Variants in GIGYF2 observed in about 807,000 individuals in gnomAD.
GIGYF2 encodes GRB10-interacting GYF protein 2.
Under a neutral mutation model 208.1 loss-of-function variants are expected in GIGYF2, and 25 were observed. That is an observed-to-expected ratio of 0.12 (90% CI 0.09 to 0.17). The LOEUF (loss-of-function observed/expected upper bound fraction) is 0.17. GIGYF2 is among the 10% of genes least tolerant of loss of function. GIGYF2 has a pLI of 1.00. For missense variants in GIGYF2, 1,302 were observed against 1,579.4 expected, an observed-to-expected ratio of 0.82 and a Z score of 2.98; for synonymous variants, 534 against 543.8, an observed-to-expected ratio of 0.98 and a Z score of 0.25.
At chr2:232,850,450 C>T (rs757988197) in intron 28 of GIGYF2, 41 bp downstream of exon 28, 26 of 1,551,806 alleles carry the variant, frequency 1.7e-5, no homozygotes, top group Non-Finnish European at 2.0e-5. Context: ...TGGAGGAGTG[C>T]AGGTGATACC....
At chr2:232,724,544 A>G (rs939110511) in intron 2 of GIGYF2, 2 of 151,540 alleles carry the variant, frequency 1.3e-5, no homozygotes, top group African/African-American at 4.8e-5. Flanking sequence ...TTTGGCTTAA[A>G]TATCTGAAAC....
In GIGYF2 at chr2:232,797,930, G is replaced by A. The variant is rs149979910; in HGVS notation, c.1639+1709G>A. On this transcript the variant is annotated intron_variant, in intron 14 of 28. Coordinates refer to ENST00000373563, the MANE Select transcript of GIGYF2 (RefSeq NM_001103146.3). ...CAGGAGGCGGAGGTTGCTGTGAGCC[G>A]AGATTGTGCCACTGTACTTTAATCT... 2.7e-5 allele frequency among the ~76,000 whole-genome samples: 4 copies of A among 146,020 alleles called. No individual in the cohort carries two copies. The East Asian group carries it at 6.0e-4, about 22-fold the overall frequency.
chr2:232,755,121 G>A (rs1698483840), intron 5 of GIGYF2, among the ~76,000 whole-genome samples: 2 of 152,146 alleles, frequency 1.3e-5, no homozygotes, highest in Non-Finnish European at 2.9e-5. Flanking sequence ...GTGGAAACCA[G>A]TTTGGACTAA....
Position 232,845,829 on chromosome 2 carries a change from T to C in GIGYF2, c.3403T>C (p.Phe1135Leu). 1 of 1,613,702 alleles carries C rather than the reference T, an allele frequency of 6.2e-7. No individual in the cohort carries two copies. The highest frequency in any genetic ancestry group is 1.6e-4 in the Middle Eastern group (1 of 6,062). Reference protein sequence around the residue: ...FQGVNKAQDGFTQWCEQMLHA... With the variant: ...FQGVNKAQDGLTQWCEQMLHA... ...GGGAGTAAATAAAGCCCAAGATGGATTTACGCAGTGGTGTGAACAGATGCT... is the reference window on the plus strand; with the variant it reads ...GGGAGTAAATAAAGCCCAAGATGGACTTACGCAGTGGTGTGAACAGATGCT... Residue 1135 changes from phenylalanine (F) to leucine (L), a missense_variant, in exon 26 of 29, where the codon TTT (phenylalanine) becomes CTT (leucine). Transcript: ENST00000373563.
intron 3 of GIGYF2, among the ~76,000 whole-genome samples, chr2:232,745,470 A>C (rs2106309277): frequency 6.6e-6 from 1 of 152,298 alleles, no homozygotes; most frequent in East Asian, 1.9e-4. Context: ...CAGTTTGAAC[A>C]CTGTTAATAA....
intron 28 of GIGYF2, among the ~76,000 whole-genome samples, chr2:232,853,410 G>A (rs775206398): frequency 6.6e-5 from 10 of 152,150 alleles, no homozygotes; most frequent in Non-Finnish European, 1.3e-4. Context: ...CCCGAGTGCT[G>A]GGACTACAGG....
chr2:232,784,598 G>GCCGGGATGAT (rs140365931), intron 8 of GIGYF2, among the ~76,000 whole-genome samples: 1 of 151,294 alleles, frequency 6.6e-6, no homozygotes, highest in Non-Finnish European at 1.5e-5. Flanking sequence ...CATCGTGTTA[G>GCCGGGATGAT]CTTGATCTGA....
intron 27 of GIGYF2, among the ~76,000 whole-genome samples, chr2:232,848,824 G>C (rs1559169069): frequency 6.6e-6 from 1 of 152,108 alleles, no homozygotes; most frequent in Non-Finnish European, 1.5e-5. Context: ...CTGAGTATGT[G>C]TATTTCTAGA....
chr2:232,767,480 C>A (rs993264605), intron 8 of GIGYF2: 2 of 152,676 alleles, frequency 1.3e-5, no homozygotes, highest in African/African-American at 4.8e-5. Context: ...CGTCTCCTTG[C>A]AATGCAAAAT....
rs1248262075 is a variant in GIGYF2, at chr2:232,806,200, T to A, written c.1640-291T>A. On this transcript the variant is annotated intron_variant, in intron 14 of 28. Coordinates refer to ENST00000373563, the MANE Select transcript of GIGYF2 (RefSeq NM_001103146.3). The surrounding 1 kb of genome is among the most constrained non-coding windows in gnomAD (Gnocchi z 4.0). ...TAGTAAATAGTTAACTCTTCAATTGTATCATACTTTACTGACACATGAATT... is the reference window on the plus strand; with the variant it reads ...TAGTAAATAGTTAACTCTTCAATTGAATCATACTTTACTGACACATGAATT... Among the ~76,000 whole-genome samples, 2 of 152,256 alleles carry A rather than the reference T, an allele frequency of 1.3e-5. No homozygotes were observed. The highest frequency in any genetic ancestry group is 4.8e-5 in the African/African-American group (2 of 41,470).
intron 21 of GIGYF2, chr2:232,828,625 T>A (rs1029013832): frequency 2.6e-5 from 4 of 152,186 alleles, no homozygotes; most frequent in Non-Finnish European, 4.4e-5. Context: ...GCTAATTTTT[T>A]AAAAAGTTTT....
intron 8 of GIGYF2, among the ~76,000 whole-genome samples, chr2:232,762,474 A>G (rs1698784474): frequency 6.6e-6 from 1 of 151,562 alleles, no homozygotes; most frequent in South Asian, 2.1e-4. Flanking sequence ...GCTGATCTTG[A>G]ACTCCTGACC....
chr2:232,852,980 T>C (rs886237943), intron 28 of GIGYF2, among the ~76,000 whole-genome samples: 2 of 152,176 alleles, frequency 1.3e-5, no homozygotes, highest in Non-Finnish European at 2.9e-5. Context: ...AAGGAATCCA[T>C]ATACCTTGAA....
At position 232,833,017 on chromosome 2, in the gene GIGYF2, G is replaced by A. The variant is rs376165544; in HGVS notation, c.2690G>A (p.Arg897His). 13 of 1,567,744 alleles carry A rather than the reference G, an allele frequency of 8.3e-6. No homozygotes were observed. Among genetic ancestry groups the A allele is most frequent in the Admixed American group, 3.8e-5 (2 of 53,132 alleles). Residue 897 changes from arginine (R) to histidine (H), a missense_variant, in exon 22 of 29, where the codon CGC (arginine) becomes CAC (histidine). Physicochemically the swap from Arg to His is conservative, Grantham distance 29. Transcript: ENST00000373563. ...LEVQRQKELM[R>H]QRQQQQEALR... ...GTCCAGCGGCAGAAGGAGTTAATGCGCCAGAGGCAGCAGCAGCAAGAGGCT... is the reference window on the plus strand; with the variant it reads ...GTCCAGCGGCAGAAGGAGTTAATGCACCAGAGGCAGCAGCAGCAAGAGGCT...
Position 232,855,994 on chromosome 2 carries a change from G to A in GIGYF2, c.3833-799G>A, listed in dbSNP as rs191865899. On this transcript the variant is annotated intron_variant, in intron 28 of 28. Coordinates refer to ENST00000373563, the MANE Select transcript of GIGYF2 (RefSeq NM_001103146.3). The stretch of plus-strand genomic sequence containing the variant: ...CACCCAGGCTGGAGTGCAGTGGCGC[G>A]ATCTCGGCTCACTGCAAGCTCCTTC... 2.0e-3 allele frequency among the ~76,000 whole-genome samples: 303 copies of A among 151,900 alleles called. 6 individuals carry two copies. In the East Asian group the frequency reaches 0.049, roughly 24 times the overall value.
intron 21 of GIGYF2, among the ~76,000 whole-genome samples, chr2:232,820,392 G>T (rs1179786022): frequency 6.8e-6 from 1 of 146,360 alleles, no homozygotes; most frequent in Non-Finnish European, 1.5e-5. Flanking sequence ...TTGGCTCACT[G>T]CAAGCCCCGC....
intron 2 of GIGYF2, among the ~76,000 whole-genome samples, chr2:232,713,050 C>T (rs925983942): frequency 2.0e-5 from 3 of 150,638 alleles, no homozygotes; most frequent in Non-Finnish European, 2.9e-5. Context: ...GACTGAGGAA[C>T]TGCATTTTTA....
intron 18 of GIGYF2, among the ~76,000 whole-genome samples, chr2:232,814,088 G>A (rs755620670): frequency 6.6e-6 from 1 of 151,262 alleles, no homozygotes. Flanking sequence ...GTTTCACCAC[G>A]TTGGCCAGGC....
At chr2:232,809,508 T>G (rs1045063773) in intron 15 of GIGYF2, among the ~76,000 whole-genome samples, 10 of 152,294 alleles carry the variant, frequency 6.6e-5, no homozygotes, top group Admixed American at 6.5e-4. Flanking sequence ...CCTTAGGGAA[T>G]CTTTTGTAAT....
Sources: gnomAD v4.1 joint callset for allele counts (sites outside exome capture counted in the v4.1 genomes callset) on GRCh38, gnomAD v4.1.1 for gene constraint, Gnocchi (gnomAD v3.1) non-coding constraint, MANE v1.5 for transcripts, NCBI Gene and HGNC (gene_info 2026-07-23, HGNC 2026-07-21) for gene names.